Variants in RBM20 observed in about 807,000 individuals in gnomAD.
The protein encoded by RBM20 is RNA binding motif protein 20, also known as RNA-binding protein 20.
A neutral mutation model predicts 110.1 loss-of-function variants in RBM20; 51 were observed. The observed-to-expected ratio is 0.46, with a 90% CI of 0.37 to 0.59. The LOEUF (loss-of-function observed/expected upper bound fraction) is 0.59, where lower values mean the gene tolerates loss of function less well. Among genes scored for constraint, RBM20 ranks in the 20% least tolerant of loss-of-function variants. The probability of loss-of-function intolerance (pLI) is 0.00; values close to 1 mark genes in which losing one functional copy is unlikely to be tolerated. For synonymous variants in RBM20, 589 were observed against 618.2 expected (o/e 0.95, Z 0.70); for missense variants, 1,512 against 1,574.9 (o/e 0.96, Z 0.68).
At chr10:110,803,247 G>C (rs781759555) in intron 7 of RBM20, among the ~76,000 whole-genome samples, 3 of 152,174 alleles carry the variant, frequency 2.0e-5, no homozygotes, top group Admixed American at 2.0e-4. Flanking sequence ...ATTGTACTTA[G>C]CTACTGGAAG....
At position 110,644,585 on chromosome 10, in the gene RBM20, C is replaced by CGCCGCCGCCGCCCCA. The variant is rs1861840511; in HGVS notation, c.135_149dup (p.Gln49_Pro53dup). On this transcript the variant is annotated inframe_insertion, in exon 1 of 14. Transcript: ENST00000369519. This position sits in a 1 kb window ranked among gnomAD's most constrained non-coding sequence, Gnocchi z 4.3. ...TCCGGCCCGCGAGGGATGCAGCAGCCGCCGCCGCCGCCCCAGCCACCGCCC... is the reference window on the plus strand; with the variant it reads ...TCCGGCCCGCGAGGGATGCAGCAGCCGCCGCCGCCGCCCCAGCCGCCGCCGCCCCAGCCACCGCCC... 2 of 1,510,010 alleles carry CGCCGCCGCCGCCCCA rather than the reference C, an allele frequency of 1.3e-6. No homozygotes were observed. The highest frequency in any genetic ancestry group is 1.4e-5 in the African/African-American group (1 of 70,136). 93.5% of individuals were successfully genotyped at this position (1,510,010 alleles called of 1,614,324 possible). A position where few individuals can be genotyped will look rare whatever the true frequency, so the allele number is the denominator to read the frequency against.
At chr10:110,823,914 A>C (rs896445565) in intron 12 of RBM20, among the ~76,000 whole-genome samples, 16 of 149,080 alleles carry the variant, frequency 1.1e-4, no homozygotes, top group African/African-American at 3.7e-4. Flanking sequence ...TTTTGCAGAG[A>C]TGGGGTCTCC....
chr10:110,710,190 G>T (rs1271818405), intron 1 of RBM20, among the ~76,000 whole-genome samples: 1 of 152,156 alleles, frequency 6.6e-6, no homozygotes, highest in Non-Finnish European at 1.5e-5. Flanking sequence ...GATACCAATA[G>T]TTGGACTATG....
Position 110,662,071 on chromosome 10 carries a change from T to A in RBM20, c.191+17426T>A, listed in dbSNP as rs532432484. Among the ~76,000 whole-genome samples, 4 of 151,700 alleles carry A rather than the reference T, an allele frequency of 2.6e-5. No individual in the cohort carries two copies. The South Asian group carries it at 8.3e-4, about 32-fold the overall frequency. ...AGTCTATATGCTGTCTAATCCCAGC[T>A]GCTGGGAGGACGCTCAAGGGAGATG... On this transcript the variant is annotated intron_variant, in intron 1 of 13. Coordinates refer to ENST00000369519, the MANE Select transcript of RBM20 (RefSeq NM_001134363.3).
In RBM20 at chr10:110,812,849, G is replaced by A. The variant is rs200271618; in HGVS notation, c.2452G>A (p.Ala818Thr). 17 of 1,510,844 alleles carry A rather than the reference G, an allele frequency of 1.1e-5. No individual in the cohort carries two copies. Among genetic ancestry groups the A allele is most frequent in the South Asian group, 9.0e-5 (7 of 77,430 alleles). 93.6% of individuals were successfully genotyped at this position (1,510,844 alleles called of 1,614,324 possible). A position where few individuals can be genotyped will look rare whatever the true frequency, so the allele number is the denominator to read the frequency against. Residue 818 changes from alanine (A) to threonine (T), a missense_variant, in exon 9 of 14, where the codon GCC becomes ACC. Transcript: ENST00000369519. ...GPKVTRAPEG[A>T]KAKQNEKNKT... Reference sequence around the variant, plus strand: ...AAAGGTCACTAGGGCCCCTGAGGGCGCCAAGGCCAAGCAGAATGAGAAAAA... The same window carrying A: ...AAAGGTCACTAGGGCCCCTGAGGGCACCAAGGCCAAGCAGAATGAGAAAAA...
chr10:110,646,664 G>A (rs1030856171), intron 1 of RBM20, among the ~76,000 whole-genome samples: 4 of 152,236 alleles, frequency 2.6e-5, no homozygotes, highest in South Asian at 4.1e-4. Flanking sequence ...GCTGGAACCA[G>A]ATATAATGTC....
intron 1 of RBM20, among the ~76,000 whole-genome samples, chr10:110,698,187 C>T (rs753447155): frequency 5.9e-5 from 9 of 152,182 alleles, no homozygotes; most frequent in Non-Finnish European, 1.2e-4. Flanking sequence ...GGATTACAGG[C>T]GTGAGCCACC....
intron 1 of RBM20, among the ~76,000 whole-genome samples, chr10:110,679,312 C>T (rs923997282): frequency 1.3e-5 from 2 of 152,232 alleles, no homozygotes; most frequent in African/African-American, 4.8e-5. Flanking sequence ...CGGCCTTGAA[C>T]GCCTCGGCTC....
intron 1 of RBM20, among the ~76,000 whole-genome samples, chr10:110,647,535 G>A (rs1023873998): frequency 4.4e-4 from 67 of 152,056 alleles, no homozygotes; most frequent in African/African-American, 1.6e-3. Flanking sequence ...TATAAAACAC[G>A]ATTTAGGCTA....
intron 1 of RBM20, among the ~76,000 whole-genome samples, chr10:110,768,105 C>A (rs574825432): frequency 6.6e-6 from 1 of 152,370 alleles, no homozygotes; most frequent in Admixed American, 6.5e-5. Context: ...CGGCGCGCGC[C>A]TGCAATCGCA....
At chr10:110,722,275 G>T (rs1477002222) in intron 1 of RBM20, among the ~76,000 whole-genome samples, 1 of 152,148 alleles carries the variant, frequency 6.6e-6, no homozygotes, top group Admixed American at 6.5e-5. Context: ...TTTTAGAGAA[G>T]TTTTAAGTTC....
chr10:110,661,481 G>C (rs531674676), intron 1 of RBM20, among the ~76,000 whole-genome samples: 1 of 152,194 alleles, frequency 6.6e-6, no homozygotes, highest in Non-Finnish European at 1.5e-5. Flanking sequence ...TGGAACAACC[G>C]TGTGTCCAGC....
At chr10:110,679,934 C>T (rs1380307793) in intron 1 of RBM20, among the ~76,000 whole-genome samples, 7 of 152,194 alleles carry the variant, frequency 4.6e-5, no homozygotes, top group Admixed American at 3.3e-4. Flanking sequence ...AGACGGTCGG[C>T]GGGCACCTCA....
intron 1 of RBM20, among the ~76,000 whole-genome samples, chr10:110,690,174 G>A (rs1420285381): frequency 6.6e-6 from 1 of 152,176 alleles, no homozygotes; most frequent in Non-Finnish European, 1.5e-5. Flanking sequence ...GGGAAGCTGA[G>A]GCTGGAGGAT....
At chr10:110,672,222 G>A (rs1862271214) in intron 1 of RBM20, among the ~76,000 whole-genome samples, 1 of 152,210 alleles carries the variant, frequency 6.6e-6, no homozygotes, top group African/African-American at 2.4e-5. Flanking sequence ...GCCTGGCGCC[G>A]CGGGTGGGGG....
chr10:110,810,585 G>A (rs1844752823), intron 8 of RBM20, 123 bp downstream of exon 8: 1 of 609,892 alleles, frequency 1.6e-6, no homozygotes, highest in Non-Finnish European at 2.8e-6. Context: ...CCATCCATCT[G>A]CTTTTCTGGG....
intron 1 of RBM20, among the ~76,000 whole-genome samples, chr10:110,752,985 C>G (rs544845644): frequency 0.013 from 1,817 of 141,276 alleles, 41 homozygotes; most frequent in African/African-American, 0.045. Context: ...GTTGCCCAGG[C>G]TGGAGTGCAG....
intron 1 of RBM20, among the ~76,000 whole-genome samples, chr10:110,761,587 C>T (rs1177708954): frequency 6.6e-6 from 1 of 152,210 alleles, no homozygotes; most frequent in Non-Finnish European, 1.5e-5. Flanking sequence ...GAGTCTCCCA[C>T]CTCCCAGGTG....
At chr10:110,754,813 G>A (rs927337718) in intron 1 of RBM20, among the ~76,000 whole-genome samples, 8 of 152,126 alleles carry the variant, frequency 5.3e-5, no homozygotes, top group Non-Finnish European at 8.8e-5. Context: ...TGTCCAGGTC[G>A]GTTTCTGCTC....
Sources: gnomAD v4.1 joint callset for allele counts (sites outside exome capture counted in the v4.1 genomes callset) on GRCh38, gnomAD v4.1.1 for gene constraint, Gnocchi (gnomAD v3.1) non-coding constraint, MANE v1.5 for transcripts, NCBI Gene and HGNC (gene_info 2026-07-23, HGNC 2026-07-21) for gene names.